The following GPM6A variants were observed in gnomAD, a reference collection of about 807,000 sequenced individuals.
GPM6A encodes the protein glycoprotein M6A, also known as neuronal membrane glycoprotein M6-a.
A neutral mutation model predicts 32.1 loss-of-function variants in GPM6A; 7 were observed. The ratio of observed to expected loss-of-function variants is 0.22; its 90% CI spans 0.12 to 0.41. The LOEUF is 0.41. GPM6A is among the 10% of genes least tolerant of loss of function. GPM6A has a pLI of 1.00. For synonymous variants in GPM6A, 130 were observed against 123.4 expected, an observed-to-expected ratio of 1.05 and a Z score of -0.35; for missense variants, 235 against 347.2, an observed-to-expected ratio of 0.68 and a Z score of 2.57.
intron 1 of GPM6A, among the ~76,000 whole-genome samples, chr4:175,964,867 C>A (rs1029534870): frequency 1.3e-5 from 2 of 152,112 alleles, no homozygotes; most frequent in Non-Finnish European, 2.9e-5. Context: ...GGAGTCAATT[C>A]TCAAGAAAAC....
At chr4:175,638,499 A>G (rs1203134497) in intron 6 of GPM6A, among the ~76,000 whole-genome samples, 1 of 152,154 alleles carries the variant, frequency 6.6e-6, no homozygotes, top group Non-Finnish European at 1.5e-5. Context: ...GTATATGCAA[A>G]GCATAGATTG....
At chr4:175,901,789 G>A (rs1737977066) in intron 1 of GPM6A, among the ~76,000 whole-genome samples, 1 of 151,512 alleles carries the variant, frequency 6.6e-6, no homozygotes, top group African/African-American at 2.4e-5. Context: ...ACCACGCCCA[G>A]CTAATTTTTG....
At chr4:175,857,362 T>C (rs1450363799) in intron 1 of GPM6A, among the ~76,000 whole-genome samples, 1 of 152,170 alleles carries the variant, frequency 6.6e-6, no homozygotes, top group Non-Finnish European at 1.5e-5. Context: ...TTACAATATA[T>C]GTGAAGAAGT....
chr4:175,912,073 A>G (rs761790934), intron 1 of GPM6A, among the ~76,000 whole-genome samples: 29 of 152,196 alleles, frequency 1.9e-4, no homozygotes, highest in Non-Finnish European at 3.1e-4. Flanking sequence ...CAGCAAAGGA[A>G]TACAGAAAAG....
intron 1 of GPM6A, among the ~76,000 whole-genome samples, chr4:175,892,037 AG>A (rs1737664337): frequency 6.6e-6 from 1 of 152,192 alleles, no homozygotes; most frequent in Non-Finnish European, 1.5e-5. Context: ...TAAAAATCAG[AG>A]GGCTTGTTTG....
intron 1 of GPM6A, among the ~76,000 whole-genome samples, chr4:175,969,701 A>G (rs1057399540): frequency 1.3e-5 from 2 of 152,104 alleles, no homozygotes; most frequent in Non-Finnish European, 2.9e-5. Context: ...ACAAAGCAAA[A>G]CTCTGCTCAA....
chr4:175,952,384 T>C (rs546698942), intron 1 of GPM6A, among the ~76,000 whole-genome samples: 3 of 152,222 alleles, frequency 2.0e-5, no homozygotes, highest in Non-Finnish European at 4.4e-5. Context: ...ATTCCCATGA[T>C]GGATTGTAGC....
chr4:175,792,414 A>G (rs928111028), intron 1 of GPM6A, among the ~76,000 whole-genome samples: 2 of 152,202 alleles, frequency 1.3e-5, no homozygotes, highest in Non-Finnish European at 2.9e-5. Context: ...CTAGAAAATA[A>G]TTAAATGAAG....
At chr4:175,655,917 T>C (rs554965967) in intron 3 of GPM6A, among the ~76,000 whole-genome samples, 1 of 152,184 alleles carries the variant, frequency 6.6e-6, no homozygotes, top group East Asian at 1.9e-4. Context: ...AGAGAGGAGA[T>C]AGTCTGATTT....
intron 1 of GPM6A, among the ~76,000 whole-genome samples, chr4:175,785,195 G>A (rs1036195910): frequency 6.6e-6 from 1 of 152,144 alleles, no homozygotes; most frequent in African/African-American, 2.4e-5. Context: ...CAATCGCCAT[G>A]CTATGAAAAG....
rs1162730380 is a variant in GPM6A, at chr4:175,640,739, G to A, written c.618+14C>T. 2 of 1,559,472 alleles carry A rather than the reference G, an allele frequency of 1.3e-6. No homozygotes were observed. The highest frequency in any genetic ancestry group is 2.2e-5 in the East Asian group (1 of 44,456). ...TAAAATTCTGACAAAATTAAAGGCT[G>A]TAAAAACACTCACCTCAGTAGATTC... On this transcript the variant is annotated intron_variant, in intron 5 of 6. Transcript: ENST00000393658.
At chr4:175,724,323 T>A (rs1160297886) in intron 1 of GPM6A, among the ~76,000 whole-genome samples, 1 of 152,178 alleles carries the variant, frequency 6.6e-6, no homozygotes, top group Non-Finnish European at 1.5e-5. Context: ...GGCGGGCAGA[T>A]CACCTGACGT....
intron 1 of GPM6A, among the ~76,000 whole-genome samples, chr4:175,877,319 G>A (rs1336869787): frequency 1.3e-5 from 2 of 152,090 alleles, no homozygotes; most frequent in South Asian, 2.1e-4. Context: ...GATGTACAAG[G>A]ACAGCAAGTC....
chr4:175,801,195 G>A (rs1734457815), intron 1 of GPM6A, among the ~76,000 whole-genome samples: 1 of 152,118 alleles, frequency 6.6e-6, no homozygotes. Flanking sequence ...TTTGGAGAAT[G>A]CTGGGTAAGT....
chr4:175,661,159 A>G (rs1046675783), intron 3 of GPM6A, among the ~76,000 whole-genome samples: 3 of 152,244 alleles, frequency 2.0e-5, no homozygotes, highest in Admixed American at 2.0e-4. Context: ...GACACATTGA[A>G]TATATCTCAA....
intron 1 of GPM6A, among the ~76,000 whole-genome samples, chr4:175,825,234 G>C (rs1055062868): frequency 3.9e-5 from 6 of 152,146 alleles, no homozygotes; most frequent in African/African-American, 1.4e-4. Flanking sequence ...AATTGTACTA[G>C]GTTACCTTGG....
chr4:175,814,662 C>T (rs991361594), upstream of GPM6A, among the ~76,000 whole-genome samples: 5 of 152,170 alleles, frequency 3.3e-5, no homozygotes, highest in Non-Finnish European at 5.9e-5. Context: ...AAGTCAACAT[C>T]AACTTGTACC....
chr4:175,864,544 G>T (rs1208090610), intron 1 of GPM6A, among the ~76,000 whole-genome samples: 1 of 152,054 alleles, frequency 6.6e-6, no homozygotes, highest in African/African-American at 2.4e-5. Flanking sequence ...TACTATCCTG[G>T]ATACAACTTT....
intron 1 of GPM6A, among the ~76,000 whole-genome samples, chr4:175,743,310 A>C (rs1731963808): frequency 6.6e-6 from 1 of 152,104 alleles, no homozygotes; most frequent in Admixed American, 6.6e-5. Flanking sequence ...AAAGTCTGGA[A>C]ATTAGTACGT....
Sources: gnomAD v4.1 joint callset for allele counts (sites outside exome capture counted in the v4.1 genomes callset) on GRCh38, gnomAD v4.1.1 for gene constraint, MANE v1.5 for transcripts, NCBI Gene and HGNC (gene_info 2026-07-23, HGNC 2026-07-21) for gene names.